XNDC1N: variants seen among roughly 807,000 people sequenced by gnomAD.
The protein encoded by XNDC1N is XRCC1 N-terminal domain containing 1, N-terminal like.
the XNDC1N span, among the ~76,000 whole-genome samples, chr11:71,873,926 T>C: frequency 0.017 from 2,603 of 152,268 alleles, 60 homozygotes; most frequent in African/African-American, 0.049. Context: ...AAAGCTCTCA[T>C]AGAAACATAG....
chr11:71,901,515 C>T, the XNDC1N span, among the ~76,000 whole-genome samples: 580 of 152,122 alleles, frequency 3.8e-3, 12 homozygotes, highest in African/African-American at 0.014. Context: ...AGGAGAATAG[C>T]TTGAACCTGG....
At chr11:71,870,901 T>G in the XNDC1N span, among the ~76,000 whole-genome samples, 1 of 152,190 alleles carries the variant, frequency 6.6e-6, no homozygotes, top group East Asian at 1.9e-4. Flanking sequence ...GGAGAGGATG[T>G]GTAGAAAAGG....
chr11:71,906,126 A>T, the XNDC1N span, among the ~76,000 whole-genome samples: 1 of 151,946 alleles, frequency 6.6e-6, no homozygotes, highest in Non-Finnish European at 1.5e-5. Flanking sequence ...CAGAAGGAAC[A>T]CACCTGTGAC....
At chr11:71,914,380 T>A in the XNDC1N span, 12 of 455,938 alleles carry the variant, frequency 2.6e-5, no homozygotes, top group Non-Finnish European at 5.3e-5. Flanking sequence ...TAACTGCAGA[T>A]GTGACAGAAA....
the XNDC1N span, among the ~76,000 whole-genome samples, chr11:71,919,628 T>A: frequency 1.2e-5 from 1 of 84,884 alleles, no homozygotes; most frequent in Non-Finnish European, 2.7e-5. Context: ...TTTGTTTTTT[T>A]TTTTTTTGAG....
chr11:71,892,229 T>A, the XNDC1N span, among the ~76,000 whole-genome samples: 1 of 151,988 alleles, frequency 6.6e-6, no homozygotes, highest in Non-Finnish European at 1.5e-5. Flanking sequence ...GTATTAGGAG[T>A]AATATCTACC....
the XNDC1N span, among the ~76,000 whole-genome samples, chr11:71,920,366 G>T: frequency 6.6e-6 from 1 of 151,572 alleles, no homozygotes; most frequent in Admixed American, 6.6e-5. Context: ...GGAGTGCAAT[G>T]GTGCGATCTA....
chr11:71,913,442 C>T, the XNDC1N span, among the ~76,000 whole-genome samples: 3 of 152,020 alleles, frequency 2.0e-5, no homozygotes, highest in African/African-American at 7.2e-5. Context: ...TAGTGGATCA[C>T]AAGGTCACAA....
chr11:71,890,201 C>T, the XNDC1N span, among the ~76,000 whole-genome samples: 3,820 of 152,184 alleles, frequency 0.025, no homozygotes, highest in East Asian at 0.073. Flanking sequence ...CCCCCGGCCC[C>T]GGATATTAGA....
the XNDC1N span, among the ~76,000 whole-genome samples, chr11:71,885,526 C>T: frequency 6.6e-6 from 1 of 152,214 alleles, no homozygotes; most frequent in East Asian, 1.9e-4. Flanking sequence ...TAACATCATA[C>T]TCCACCCCTT....
At chr11:71,924,145 T>C in the XNDC1N span, among the ~76,000 whole-genome samples, 4 of 152,328 alleles carry the variant, frequency 2.6e-5, no homozygotes, top group African/African-American at 9.6e-5. Flanking sequence ...CTCTTAAAAT[T>C]AATCTTCCTA....
chr11:71,888,011 T>C, the XNDC1N span, among the ~76,000 whole-genome samples: 13,729 of 152,136 alleles, frequency 0.09, 1,094 homozygotes, highest in African/African-American at 0.19. Context: ...CCCCACCATC[T>C]TCGGGGAGGC....
At chr11:71,916,443 G>T in the XNDC1N span, among the ~76,000 whole-genome samples, 1 of 152,164 alleles carries the variant, frequency 6.6e-6, no homozygotes, top group Non-Finnish European at 1.5e-5. Context: ...GGCCAGTCAG[G>T]GCCTTCTCAT....
chr11:71,919,065 C>T, the XNDC1N span: 886 of 698,476 alleles, frequency 1.3e-3, 16 homozygotes, highest in East Asian at 0.023. Context: ...AATCTCACTG[C>T]GCCCAAGGGA....
At chr11:71,873,475 C>T in the XNDC1N span, among the ~76,000 whole-genome samples, 1 of 152,188 alleles carries the variant, frequency 6.6e-6, no homozygotes, top group Non-Finnish European at 1.5e-5. Context: ...AGGGAGCATG[C>T]CCTTTTCGAT....
chr11:71,900,707 T>C, the XNDC1N span, among the ~76,000 whole-genome samples: 1 of 152,240 alleles, frequency 6.6e-6, no homozygotes, highest in Admixed American at 6.5e-5. Flanking sequence ...CATGGCATCA[T>C]GAACCCTTAC....
At chr11:71,866,892 G>A in the XNDC1N span, among the ~76,000 whole-genome samples, 1 of 152,092 alleles carries the variant, frequency 6.6e-6, no homozygotes, top group African/African-American at 2.4e-5. Context: ...ATATGATCGA[G>A]ACAATAGAGT....
the XNDC1N span, among the ~76,000 whole-genome samples, chr11:71,890,787 C>T: frequency 6.6e-6 from 1 of 151,960 alleles, no homozygotes; most frequent in Non-Finnish European, 1.5e-5. Context: ...TATTTGATAT[C>T]ATCCTCTTCC....
chr11:71,880,904 T>G, the XNDC1N span, among the ~76,000 whole-genome samples: 1 of 152,336 alleles, frequency 6.6e-6, no homozygotes, highest in South Asian at 2.1e-4. Flanking sequence ...TTTTCAAAAT[T>G]TGTTGAAACT....
Sources: allele counts gnomAD v4.1 joint callset (sites outside exome capture counted in the v4.1 genomes callset), GRCh38; gene constraint gnomAD v4.1.1; transcripts MANE v1.5; gene names NCBI Gene and HGNC (gene_info 2026-07-23, HGNC 2026-07-21).